The following ITPKB variants were observed in gnomAD, a reference collection of about 807,000 sequenced individuals.
The protein encoded by ITPKB is inositol-trisphosphate 3-kinase B.
ITPKB carries 13 observed loss-of-function variants against 69.4 expected under a neutral mutation model. That is an observed-to-expected ratio of 0.19 (90% CI 0.12 to 0.30). The LOEUF is 0.30. Ranked by LOEUF, ITPKB falls within the 10% of genes least tolerant of loss-of-function variation. ITPKB has a pLI of 1.00. For synonymous variants in ITPKB, 584 were observed against 513.7 expected (o/e 1.14, Z -1.85); for missense variants, 1,240 against 1,250.5 (o/e 0.99, Z 0.13).
chr1:226,739,282 CCT>C (rs1657919385), upstream of ITPKB: 1 of 148,666 alleles, frequency 6.7e-6, no homozygotes, highest in Non-Finnish European at 1.5e-5. Flanking sequence ...AGATACTGCC[CCT>C]GTCAGTGTCT....
chr1:226,646,708 T>A (rs965838457), intron 4 of ITPKB, among the ~76,000 whole-genome samples: 2 of 152,122 alleles, frequency 1.3e-5, no homozygotes, highest in African/African-American at 4.8e-5. Context: ...CATGTTCTAC[T>A]AGCCACTCTC....
At chr1:226,685,896 G>T (rs1041238501) in intron 2 of ITPKB, among the ~76,000 whole-genome samples, 1 of 152,334 alleles carries the variant, frequency 6.6e-6, no homozygotes, top group African/African-American at 2.4e-5. Flanking sequence ...CTGTGGGGCA[G>T]CACGAGGAAG....
At chr1:226,697,857 C>A (rs901697995) in intron 2 of ITPKB, among the ~76,000 whole-genome samples, 6 of 152,206 alleles carry the variant, frequency 3.9e-5, no homozygotes, top group Non-Finnish European at 7.3e-5. Flanking sequence ...GCCCTCACAT[C>A]TGGGTGATAA....
intron 2 of ITPKB, among the ~76,000 whole-genome samples, chr1:226,735,046 A>G (rs1657703240): frequency 6.6e-6 from 1 of 152,218 alleles, no homozygotes; most frequent in South Asian, 2.1e-4. Context: ...ATAGATTCAC[A>G]TCACTCATTT....
chr1:226,718,153 G>C (rs539136668), intron 2 of ITPKB, among the ~76,000 whole-genome samples: 27 of 152,070 alleles, frequency 1.8e-4, no homozygotes, highest in Admixed American at 1.3e-4. Flanking sequence ...AATTAGCCAG[G>C]TGTGGTGGCG....
At chr1:226,723,968 C>T (rs1290529249) in intron 2 of ITPKB, among the ~76,000 whole-genome samples, 2 of 152,166 alleles carry the variant, frequency 1.3e-5, no homozygotes, top group Non-Finnish European at 2.9e-5. Context: ...CTTGGGACAA[C>T]GTGACTCGAG....
At chr1:226,677,795 C>T (rs886524301) in intron 2 of ITPKB, among the ~76,000 whole-genome samples, 3 of 152,238 alleles carry the variant, frequency 2.0e-5, no homozygotes, top group African/African-American at 7.2e-5. Context: ...GCACCCATTA[C>T]ATACATCACA....
chr1:226,720,319 T>C (rs1448012833), intron 2 of ITPKB, among the ~76,000 whole-genome samples: 14 of 152,122 alleles, frequency 9.2e-5, no homozygotes, highest in Admixed American at 8.5e-4. Context: ...GCTCCACCCA[T>C]CCACCTCTGC....
intron 2 of ITPKB, among the ~76,000 whole-genome samples, chr1:226,698,150 C>T (rs1464737601): frequency 6.6e-6 from 1 of 152,106 alleles, no homozygotes; most frequent in Non-Finnish European, 1.5e-5. Flanking sequence ...ACAGCACCTT[C>T]AGGGCAGAAG....
intron 2 of ITPKB, among the ~76,000 whole-genome samples, chr1:226,678,339 G>A (rs12410947): frequency 0.19 from 28,458 of 152,258 alleles, 2,685 homozygotes; most frequent in Middle Eastern, 0.32. Flanking sequence ...GGGCAAAGGA[G>A]CCACAGTGAC....
intron 2 of ITPKB, among the ~76,000 whole-genome samples, chr1:226,687,955 G>C (rs1171590218): frequency 6.6e-6 from 1 of 152,186 alleles, no homozygotes; most frequent in African/African-American, 2.4e-5. Context: ...GTCTTTGCCA[G>C]GACCAGCCAA....
At chr1:226,696,288 CACACATATATAT>C (rs1479591528) in intron 2 of ITPKB, among the ~76,000 whole-genome samples, 1 of 151,942 alleles carries the variant, frequency 6.6e-6, no homozygotes. Context: ...GAAATATATA[CACACATATATAT>C]ACACATATAT....
intron 2 of ITPKB, among the ~76,000 whole-genome samples, chr1:226,659,839 C>A (rs1478980429): frequency 6.6e-6 from 1 of 152,144 alleles, no homozygotes; most frequent in Non-Finnish European, 1.5e-5. Flanking sequence ...CTGTCCTAAC[C>A]TTCTCTATGT....
chr1:226,655,791 T>G (rs1669275898), intron 2 of ITPKB, among the ~76,000 whole-genome samples: 1 of 152,164 alleles, frequency 6.6e-6, no homozygotes, highest in Non-Finnish European at 1.5e-5. Context: ...AAACCAATGT[T>G]ATATTTCTCA....
At chr1:226,715,644 G>A (rs1463479982) in intron 2 of ITPKB, among the ~76,000 whole-genome samples, 1 of 152,156 alleles carries the variant, frequency 6.6e-6, no homozygotes, top group East Asian at 1.9e-4. Flanking sequence ...ATTGAGTCAG[G>A]AATGTAACAA....
chr1:226,736,283 C>T lies in ITPKB; in HGVS notation c.1176G>A (p.Arg392=), dbSNP rs1657757726. 2 of 1,599,278 alleles carry T rather than the reference C, an allele frequency of 1.3e-6. No individual in the cohort carries two copies. The highest frequency in any genetic ancestry group is 2.3e-5 in the South Asian group (2 of 88,870). The change falls in exon 2 of 8, where the codon AGG becomes AGA. Residue 392 remains arginine (R), a synonymous_variant. Transcript: ENST00000429204. ...PGSGEPEVGK[R]PEETTVSVQS... ...GCACGCTCACAGTCGTCTCCTCTGG[C>T]CTTTTGCCCACTTCAGGCTCCCCAG...
chr1:226,648,536 G>A (rs1005784003), intron 3 of ITPKB, 136 bp downstream of exon 3: 1 of 685,162 alleles, frequency 1.5e-6, no homozygotes. Context: ...CAGCCTGCAA[G>A]TGTGGCTGTG....
At chr1:226,716,586 TCA>T (rs1239731485) in intron 2 of ITPKB, among the ~76,000 whole-genome samples, 3 of 152,202 alleles carry the variant, frequency 2.0e-5, no homozygotes, top group African/African-American at 7.2e-5. Flanking sequence ...GCAAAAGGCC[TCA>T]GTGTGTGTTG....
In ITPKB at chr1:226,637,674, T is replaced by G. The variant is rs753442973; in HGVS notation, c.2625+5A>C. 1 of 1,610,448 alleles carries G rather than the reference T, an allele frequency of 6.2e-7. No individual in the cohort carries two copies. Among genetic ancestry groups the G allele is most frequent in the Non-Finnish European group, 8.5e-7 (1 of 1,176,680 alleles). ...TGCTCAAGAGGGCAAAAGCCCAGTATCTACCTCGTGGCACTTGAAGAAGGG... is the reference window on the plus strand; with the variant it reads ...TGCTCAAGAGGGCAAAAGCCCAGTAGCTACCTCGTGGCACTTGAAGAAGGG... On this transcript the variant is annotated splice_donor_5th_base_variant and intron_variant, in intron 7 of 7. Coordinates refer to ENST00000429204, the MANE Select transcript of ITPKB (RefSeq NM_002221.4). This position sits in a 1 kb window ranked among gnomAD's most constrained non-coding sequence, Gnocchi z 4.3.
Sources: gnomAD v4.1 joint callset for allele counts (sites outside exome capture counted in the v4.1 genomes callset) on GRCh38, gnomAD v4.1.1 for gene constraint, Gnocchi (gnomAD v3.1) non-coding constraint, MANE v1.5 for transcripts, NCBI Gene and HGNC (gene_info 2026-07-23, HGNC 2026-07-21) for gene names.